Variants in TCEA1 observed in about 807,000 individuals in gnomAD.
TCEA1 encodes the protein transcription elongation factor A protein 1.
In TCEA1, 21 loss-of-function variants were observed where a neutral mutation model predicts 43.8. The observed-to-expected ratio is 0.48, with a 90% CI of 0.34 to 0.69. The LOEUF is 0.69. Ranked by LOEUF, TCEA1 falls within the 30% of genes least tolerant of loss-of-function variation. TCEA1 has a pLI of 0.01. For synonymous variants in TCEA1, 104 were observed against 117.5 expected (o/e 0.88, Z 0.75); for missense variants, 250 against 365.1 (o/e 0.68, Z 2.57).
chr8:53,983,169 T>C (rs560208711), intron 7 of TCEA1, among the ~76,000 whole-genome samples: 1 of 152,226 alleles, frequency 6.6e-6, no homozygotes, highest in Non-Finnish European at 1.5e-5. Context: ...AAGGTGTACA[T>C]TGTTTAGCAA....
At chr8:54,015,010 T>C (rs1214670703) in intron 1 of TCEA1, among the ~76,000 whole-genome samples, 1 of 152,110 alleles carries the variant, frequency 6.6e-6, no homozygotes, top group African/African-American at 2.4e-5. Flanking sequence ...AATATACAAA[T>C]AATTACTTAT....
At chr8:53,977,287 T>C (rs539086525) in intron 8 of TCEA1, among the ~76,000 whole-genome samples, 1 of 152,290 alleles carries the variant, frequency 6.6e-6, no homozygotes, top group South Asian at 2.1e-4. Context: ...GCCACTGCAC[T>C]CCAGCCTGGG....
chr8:53,972,650 G>T (rs954329414), intron 8 of TCEA1: 39 of 615,474 alleles, frequency 6.3e-5, no homozygotes, highest in Admixed American at 1.3e-4. Flanking sequence ...TGAAGGAAGA[G>T]CAAGTTTGAG....
intron 4 of TCEA1, among the ~76,000 whole-genome samples, chr8:53,990,590 T>C (rs1048244329): frequency 6.6e-5 from 10 of 152,170 alleles, no homozygotes; most frequent in Non-Finnish European, 1.3e-4. Context: ...CTCAAACTCC[T>C]GGGCTCAAGT....
At chr8:54,020,498 A>G (rs1804986184) in intron 1 of TCEA1, among the ~76,000 whole-genome samples, 2 of 152,228 alleles carry the variant, frequency 1.3e-5, no homozygotes, top group African/African-American at 4.8e-5. Context: ...AAAGGGGAAC[A>G]GAGGATGTTT....
At chr8:53,989,604 T>C (rs995098798) in intron 4 of TCEA1, among the ~76,000 whole-genome samples, 4 of 152,224 alleles carry the variant, frequency 2.6e-5, no homozygotes, top group African/African-American at 9.6e-5. Flanking sequence ...TTGTATATGA[T>C]AACTTTTCAT....
At chr8:53,986,883 A>G (rs1803705140) in intron 6 of TCEA1, 86 bp downstream of exon 6, 1 of 993,152 alleles carries the variant, frequency 1.0e-6, no homozygotes, top group South Asian at 1.6e-5. Context: ...GGACTACTGC[A>G]TGTAAAACCG....
chr8:53,979,304 T>C (rs1803434949), intron 7 of TCEA1, 133 bp from the exon 8 acceptor site: 1 of 1,030,118 alleles, frequency 9.7e-7, no homozygotes. Context: ...ATTAAATTAA[T>C]ATTTTTCCTC....
rs755985804 is a variant in TCEA1, at chr8:53,988,269, G to A, written c.321-10C>T. The A allele has an allele frequency of 6.8e-6, 11 of 1,607,662 alleles. No individual in the cohort carries two copies. Among genetic ancestry groups the A allele is most frequent in the Middle Eastern group, 1.6e-4 (1 of 6,068 alleles). Reference sequence around the variant, plus strand: ...ATTGCCGCTGGAAGTACTGAAATACGCACAAACACCCCAAAAAGAAATCAA... The same window carrying A: ...ATTGCCGCTGGAAGTACTGAAATACACACAAACACCCCAAAAAGAAATCAA... On this transcript the variant is annotated splice_polypyrimidine_tract_variant and intron_variant, in intron 4 of 9. Transcript: ENST00000521604.
intron 1 of TCEA1, among the ~76,000 whole-genome samples, chr8:54,018,151 G>C (rs73679594): frequency 0.026 from 4,019 of 152,204 alleles, 172 homozygotes; most frequent in African/African-American, 0.091. Flanking sequence ...TATTTTAACT[G>C]AGGTACTTGG....
At chr8:54,021,924 G>A (rs1387226612) in intron 1 of TCEA1, 139 bp downstream of exon 1, 3 of 800,762 alleles carry the variant, frequency 3.7e-6, no homozygotes, top group Non-Finnish European at 5.3e-6. Context: ...CACCCTCCCC[G>A]GGGACGCGGG....
At chr8:54,009,166 C>G (rs903173135) in intron 2 of TCEA1, among the ~76,000 whole-genome samples, 3 of 91,336 alleles carry the variant, frequency 3.3e-5, no homozygotes, top group African/African-American at 1.2e-4. Flanking sequence ...ATTAAAAAGA[C>G]AAAAAAAAAA....
At chr8:53,990,224 A>C (rs1050477366) in intron 4 of TCEA1, among the ~76,000 whole-genome samples, 8 of 150,890 alleles carry the variant, frequency 5.3e-5, no homozygotes, top group African/African-American at 9.7e-5. Context: ...TCCAACAAAC[A>C]AACCTTTTTT....
At chr8:54,015,344 ATTTT>A (rs1279100371) in intron 1 of TCEA1, among the ~76,000 whole-genome samples, 1 of 151,738 alleles carries the variant, frequency 6.6e-6, no homozygotes, top group Non-Finnish European at 1.5e-5. Context: ...TAATTTTTGT[ATTTT>A]CAGTAGAGAT....
chr8:53,972,430 C>T, intron 8 of TCEA1: 1 of 536,622 alleles, frequency 1.9e-6, no homozygotes, highest in Non-Finnish European at 3.6e-6. Context: ...GATTTGTTTC[C>T]AGAAGAATCA....
intron 3 of TCEA1, among the ~76,000 whole-genome samples, chr8:53,998,124 C>A (rs1421820307): frequency 6.6e-6 from 1 of 152,136 alleles, no homozygotes; most frequent in Non-Finnish European, 1.5e-5. Context: ...TTAAAATACA[C>A]ATTAATGATG....
At chr8:54,021,466 G>A (rs1354073908) in intron 1 of TCEA1, 1 of 152,208 alleles carries the variant, frequency 6.6e-6, no homozygotes, top group Non-Finnish European at 1.5e-5. Flanking sequence ...CATTACGACA[G>A]GACAAAACCC....
chr8:53,970,859 A>C (rs1803135977), intron 8 of TCEA1, among the ~76,000 whole-genome samples: 1 of 152,230 alleles, frequency 6.6e-6, no homozygotes, highest in Non-Finnish European at 1.5e-5. Context: ...TCTCTTACAA[A>C]TTAAGAAGAT....
chr8:53,972,910 C>G (rs1448575932), intron 8 of TCEA1: 2 of 678,564 alleles, frequency 2.9e-6, no homozygotes, highest in African/African-American at 1.8e-5. Context: ...AAGGACGTAG[C>G]CTCAGAGGTG....
Sources: gnomAD v4.1 joint callset for allele counts (sites outside exome capture counted in the v4.1 genomes callset) on GRCh38, gnomAD v4.1.1 for gene constraint, MANE v1.5 for transcripts, NCBI Gene and HGNC (gene_info 2026-07-23, HGNC 2026-07-21) for gene names.